DYNC2H1: variants seen among roughly 807,000 people sequenced by gnomAD.
DYNC2H1 encodes the protein dynein cytoplasmic 2 heavy chain 1.
In DYNC2H1, 410 loss-of-function variants were observed where a neutral mutation model predicts 570.0. The ratio of observed to expected loss-of-function variants is 0.72; its 90% confidence interval spans 0.66 to 0.78. The LOEUF (loss-of-function observed/expected upper bound fraction) is 0.78. Among genes scored for constraint, DYNC2H1 ranks in the 30% least tolerant of loss-of-function variants. The pLI is 0.00. For missense variants in DYNC2H1, 4,865 were observed against 5,046.4 expected, an observed-to-expected ratio of 0.96 and a Z score of 1.09; for synonymous variants, 1,688 against 1,677.6, an observed-to-expected ratio of 1.01 and a Z score of -0.15.
At chr11:103,389,448 C>A (rs12363355) in intron 83 of DYNC2H1, among the ~76,000 whole-genome samples, 6 of 151,666 alleles carry the variant, frequency 4.0e-5, no homozygotes, top group Non-Finnish European at 7.4e-5. Flanking sequence ...CAAAAAACCA[C>A]CTCCTGGATT....
rs1860175984 is a variant in DYNC2H1 at position 103,145,138 on chromosome 11, C to T, written c.2702+1743C>T. Among the ~76,000 whole-genome samples, 1 of 152,106 alleles carries T rather than the reference C, an allele frequency of 6.6e-6. No individual in the cohort carries two copies. The highest frequency in any genetic ancestry group is 1.5e-5 in the Non-Finnish European group (1 of 68,020). On this transcript the variant is annotated intron_variant, in intron 18 of 88. Coordinates refer to ENST00000375735, the MANE Select transcript of DYNC2H1 (RefSeq NM_001377.3). The surrounding 1 kb of genome is among the most constrained non-coding windows in gnomAD (Gnocchi z 4.2). ...TCAGGTGATCTGCCCACCTTGGCCT[C>T]CCAGAGTGCTGGGATTACAGGCATG... is the stretch of plus-strand genomic sequence containing the variant.
intron 6 of DYNC2H1, among the ~76,000 whole-genome samples, chr11:103,118,132 G>T (rs1858511339): frequency 6.6e-6 from 1 of 152,068 alleles, no homozygotes; most frequent in African/African-American, 2.4e-5. Context: ...GAAGCTTTCA[G>T]GGGGTCTTTT....
rs886505169 is a variant in DYNC2H1, at chr11:103,455,234, G to C, written c.12505G>C (p.Asp4169His). The C allele has an allele frequency of 3.1e-6, 5 of 1,613,244 alleles. No individual in the cohort carries two copies. In the African/African-American group the frequency reaches 5.3e-5, roughly 17 times the overall value. ...ACAGGCTCTTCTCTCTGAAACACTTGACCTATCAGAACTTTTCCATCCAGA... is the reference window on the plus strand; with the variant it reads ...ACAGGCTCTTCTCTCTGAAACACTTCACCTATCAGAACTTTTCCATCCAGA... ...EKQALLSETLDLSELFHPDTF... is the reference protein window; with the variant it reads ...EKQALLSETLHLSELFHPDTF... Residue 4169 changes from aspartate (D) to histidine (H), a missense_variant, in exon 86 of 89, where the codon GAC (aspartate) becomes CAC (histidine). By Grantham distance (81) the Asp-to-His change is moderately conservative. Transcript: ENST00000375735.
Position 103,199,227 on chromosome 11 carries a change from G to C in DYNC2H1, c.7840-1G>C. The C allele has an allele frequency of 6.6e-7, 1 of 1,511,856 alleles. No individual in the cohort carries two copies. The highest frequency in any genetic ancestry group is 8.9e-7 in the Non-Finnish European group (1 of 1,120,454). The allele number at this position is 1,511,856 out of a possible 1,614,324, so 93.7% of individuals were successfully genotyped here. A position where few individuals can be genotyped will look rare whatever the true frequency, so the allele number is the denominator to read the frequency against. On this transcript the variant is annotated splice_acceptor_variant, in intron 48 of 88. Transcript: ENST00000375735. LOFTEE classifies it high-confidence loss of function. The surrounding 1 kb of genome is among the most constrained non-coding windows in gnomAD (Gnocchi z 4.6). ...ATAAAATATTCTGATTTTTTTAAAA[G>C]GGTCTTATTCATTATGGACGAGATA...
intron 50 of DYNC2H1, among the ~76,000 whole-genome samples, chr11:103,202,110 A>G (rs1251932197): frequency 6.6e-6 from 1 of 152,204 alleles, no homozygotes; most frequent in Non-Finnish European, 1.5e-5. Context: ...TGCTCTAATT[A>G]GACAAGTGGT....
intron 5 of DYNC2H1, among the ~76,000 whole-genome samples, chr11:103,117,351 C>G (rs1461940485): frequency 6.7e-6 from 1 of 149,888 alleles, no homozygotes; most frequent in African/African-American, 2.4e-5. Flanking sequence ...CATATGTATA[C>G]ATGTGCCACG....
chr11:103,145,853 A>C lies in DYNC2H1; in HGVS notation c.2703-1919A>C, dbSNP rs1860216441. Among the ~76,000 whole-genome samples, 1 of 152,204 alleles carries C rather than the reference A, an allele frequency of 6.6e-6. No individual in the cohort carries two copies. Among genetic ancestry groups the C allele is most frequent in the African/African-American group, 2.4e-5 (1 of 41,452 alleles). ...AACAGAATCTCAGTTTCATATTGTG[A>C]ATATTTTCAAATGAAAGATGAATGT... On this transcript the variant is annotated intron_variant, in intron 18 of 88. Coordinates refer to ENST00000375735, the MANE Select transcript of DYNC2H1 (RefSeq NM_001377.3). This position sits in a 1 kb window ranked among gnomAD's most constrained non-coding sequence, Gnocchi z 4.2.
chr11:103,156,475 T>G lies in DYNC2H1; in HGVS notation c.3832T>G (p.Leu1278Val). 2 of 1,613,772 alleles carry G rather than the reference T, an allele frequency of 1.2e-6. No individual in the cohort carries two copies. Among genetic ancestry groups the G allele is most frequent in the Non-Finnish European group, 1.7e-6 (2 of 1,179,754 alleles). Residue 1278 changes from leucine to valine, a missense_variant, in exon 26 of 89, where the codon TTA (leucine) becomes GTA (valine). Physicochemically the swap from Leu to Val is conservative, Grantham distance 32 (BLOSUM62 1). Coordinates refer to ENST00000375735, the MANE Select transcript of DYNC2H1 (RefSeq NM_001377.3). ...TTGGGGAGTTGGAGCAGTGTTTACA[T>G]TAATTGATTATGAAGACAGCCAAAG... ...DLWGVGAVFT[L>V]IDYEDSQSRT...
intron 6 of DYNC2H1, among the ~76,000 whole-genome samples, chr11:103,118,136 G>A (rs1858511730): frequency 6.6e-6 from 1 of 152,050 alleles, no homozygotes; most frequent in East Asian, 1.9e-4. Flanking sequence ...CTTTCAGGGG[G>A]TCTTTTGGCT....
chr11:103,187,692 C>A, intron 43 of DYNC2H1, 106 bp downstream of exon 43: 3 of 1,363,196 alleles, frequency 2.2e-6, no homozygotes, highest in South Asian at 1.4e-5. Flanking sequence ...TTTTATCTAG[C>A]ATTTGTCATG....
intron 79 of DYNC2H1, among the ~76,000 whole-genome samples, chr11:103,314,690 T>C (rs1937713707): frequency 6.6e-6 from 1 of 151,948 alleles, no homozygotes; most frequent in Non-Finnish European, 1.5e-5. Flanking sequence ...TACCATACTG[T>C]TGTTGTCATA....
rs550040500 is a variant in DYNC2H1, at chr11:103,189,552, T to G, written c.7293-120T>G. 9.6e-6 allele frequency: 9 copies of G among 937,956 alleles called. No homozygotes were observed. In the African/African-American group the frequency reaches 1.2e-4, roughly 12 times the overall value. 58.1% of individuals were successfully genotyped at this position (937,956 alleles called of 1,614,324 possible). On this transcript the variant is annotated intron_variant, in intron 44 of 88. Transcript: ENST00000375735. The surrounding 1 kb of genome is among the most constrained non-coding windows in gnomAD (Gnocchi z 4.3). Reference sequence around the variant, plus strand: ...TAGTCTTAGCCCCCTGGGTAAGCTTTGGAGATATGTAGGTCTTAGAGCAGC... The same window carrying G: ...TAGTCTTAGCCCCCTGGGTAAGCTTGGGAGATATGTAGGTCTTAGAGCAGC...
intron 52 of DYNC2H1, among the ~76,000 whole-genome samples, chr11:103,208,330 G>T (rs958850948): frequency 6.6e-6 from 1 of 152,128 alleles, no homozygotes; most frequent in African/African-American, 2.4e-5. Context: ...AGAAATGATT[G>T]GACTGGTAGA....
chr11:103,118,584 C>T (rs952328812), intron 6 of DYNC2H1, among the ~76,000 whole-genome samples: 3 of 152,088 alleles, frequency 2.0e-5, no homozygotes, highest in African/African-American at 7.2e-5. Context: ...AACATAACCA[C>T]AATGCCATTA....
chr11:103,209,903 G>A lies in DYNC2H1; in HGVS notation c.8482G>A (p.Gly2828Ser). The change falls in exon 53 of 89, where the codon GGT becomes AGT. Residue 2828 changes from glycine to serine, a missense_variant. By Grantham distance (56) the Gly-to-Ser change is moderately conservative. This residue lies in a region of DYNC2H1 where 2,401 missense variants were observed against 2,454.6 expected (regional missense o/e 0.98). Coordinates refer to ENST00000375735, the MANE Select transcript of DYNC2H1 (RefSeq NM_001377.3). The surrounding 1 kb of genome is among the most constrained non-coding windows in gnomAD (Gnocchi z 4.2). ...ACCTGAAATGTTATTCAGTGAAACA[G>A]GTGGTGGAGAAAAATACAATGATAA... ...KIPEMLFSETGGGEKYNDKKR... is the reference protein window; with the variant it reads ...KIPEMLFSETSGGEKYNDKKR... The A allele has an allele frequency of 6.7e-7, 1 of 1,495,558 alleles. No individual in the cohort carries two copies. The allele number at this position is 1,495,558 out of a possible 1,614,324, so 92.6% of individuals were successfully genotyped here.
At chr11:103,420,615 A>G (rs1018875442) in intron 84 of DYNC2H1, among the ~76,000 whole-genome samples, 1 of 152,220 alleles carries the variant, frequency 6.6e-6, no homozygotes, top group Non-Finnish European at 1.5e-5. Context: ...AGAAGTTCAT[A>G]TCTGGCCAAC....
chr11:103,288,684 T>TAAAAAAAAAAAAAAAAA (rs57040929), intron 75 of DYNC2H1, among the ~76,000 whole-genome samples: 4 of 27,906 alleles, frequency 1.4e-4, no homozygotes, highest in African/African-American at 1.6e-4. Context: ...CCGTCTCTAC[T>TAAAAAAAAAAAAAAAAA]AAAAAAAAAA....
intron 83 of DYNC2H1, among the ~76,000 whole-genome samples, chr11:103,393,332 T>C: frequency 6.6e-6 from 1 of 152,244 alleles, no homozygotes; most frequent in African/African-American, 2.4e-5. Flanking sequence ...TACTCTATTA[T>C]TCTACTAGTT....
At chr11:103,415,432 G>A (rs1943247269) in intron 84 of DYNC2H1, among the ~76,000 whole-genome samples, 1 of 152,048 alleles carries the variant, frequency 6.6e-6, no homozygotes, top group Admixed American at 6.6e-5. Flanking sequence ...CTGACAAAGG[G>A]CTAATATCCA....
Sources: gnomAD v4.1 joint callset for allele counts (sites outside exome capture counted in the v4.1 genomes callset) on GRCh38, gnomAD v4.1.1 for gene constraint, gnomAD v4.1.1 regional missense constraint, Gnocchi (gnomAD v3.1) non-coding constraint, MANE v1.5 for transcripts, NCBI Gene and HGNC (gene_info 2026-07-23, HGNC 2026-07-21) for gene names.